Variants in POU2F2 observed in about 807,000 individuals in gnomAD.
POU2F2 encodes POU domain, class 2, transcription factor 2.
In POU2F2, 14 loss-of-function variants were observed where a neutral mutation model predicts 63.5. The ratio of observed to expected loss-of-function variants is 0.22; its 90% CI spans 0.15 to 0.34. The LOEUF is 0.34. Ranked by LOEUF, POU2F2 falls within the 10% of genes least tolerant of loss-of-function variation. The pLI is 1.00. For synonymous variants in POU2F2, 306 were observed against 348.6 expected, an observed-to-expected ratio of 0.88 and a Z score of 1.36; for missense variants, 607 against 815.2, an observed-to-expected ratio of 0.74 and a Z score of 3.11.
In POU2F2 at chr19:42,091,094, C is replaced by CTTTTTTTTTTT. The variant is rs60030513; in HGVS notation, c.*152_*162dup. 4.8e-4 allele frequency: 175 copies of CTTTTTTTTTTT among 360,924 alleles called. 3 individuals carry two copies. Among genetic ancestry groups the CTTTTTTTTTTT allele is most frequent in the African/African-American group, 4.6e-3 (167 of 35,942 alleles). 22.4% of individuals were successfully genotyped at this position (360,924 alleles called of 1,614,324 possible). A position where few individuals can be genotyped will look rare whatever the true frequency, so the allele number is the denominator to read the frequency against. ...TCTCTTTTGTTGGTTAGTTTCTTTC[C>CTTTTTTTTTTT]TTTTTTTTTTTTTTTTTGGTTGGTT... On this transcript the variant is annotated 3_prime_UTR_variant, in exon 15 of 15. Coordinates refer to ENST00000692977, the MANE Select transcript of POU2F2 (RefSeq NM_001394376.1).
chr19:42,105,080 G>C (rs2077285994), intron 5 of POU2F2, among the ~76,000 whole-genome samples: 1 of 152,148 alleles, frequency 6.6e-6, no homozygotes, highest in Non-Finnish European at 1.5e-5. Flanking sequence ...CCTCCCTCCA[G>C]ATGTGGATCA....
chr19:42,138,149 C>T (rs1044419786), intron 2 of POU2F2, among the ~76,000 whole-genome samples: 1 of 152,136 alleles, frequency 6.6e-6, no homozygotes, highest in African/African-American at 2.4e-5. Context: ...CAGTGAAGAA[C>T]CAGAGGATGG....
At position 42,117,574 on chromosome 19, in the gene POU2F2, T is replaced by A; in HGVS notation, c.187-142A>T. 1 of 483,832 alleles carries A rather than the reference T, an allele frequency of 2.1e-6. No homozygotes were observed. The highest frequency in any genetic ancestry group is 3.6e-6 in the Non-Finnish European group (1 of 277,670). The allele number at this position is 483,832 out of a possible 1,614,324, so 30.0% of individuals were successfully genotyped here. A position where few individuals can be genotyped will look rare whatever the true frequency, so the allele number is the denominator to read the frequency against. On this transcript the variant is annotated intron_variant, in intron 4 of 14. Transcript: ENST00000692977. The surrounding 1 kb of genome is among the most constrained non-coding windows in gnomAD (Gnocchi z 4.4). Reference sequence around the variant, plus strand: ...CTTCAAACCACTCCTCTGGCCTCAGTTTCCTCATCAATCAGATAGGGCTAA... The same window carrying A: ...CTTCAAACCACTCCTCTGGCCTCAGATTCCTCATCAATCAGATAGGGCTAA...
chr19:42,095,323 G>C lies in POU2F2; in HGVS notation c.1160C>G (p.Pro387Arg). 2 of 1,613,848 alleles carry C rather than the reference G, an allele frequency of 1.2e-6. No homozygotes were observed. Among genetic ancestry groups the C allele is most frequent in the Non-Finnish European group, 1.7e-6 (2 of 1,179,994 alleles). ...INPCSAAPML[P>R]SPGKPASYSP... ...GTAGCTGGCCGGCTTCCCTGGGCTG[G>C]GCAGCATGGGGGCCGCACTGCAGGG... Residue 387 changes from proline to arginine, a missense_variant, in exon 11 of 15, where the codon CCC (proline) becomes CGC (arginine). This residue lies in a region of POU2F2 where 12 missense variants were observed against 18.4 expected (regional missense o/e 0.65). Transcript: ENST00000692977. This position sits in a 1 kb window ranked among gnomAD's most constrained non-coding sequence, Gnocchi z 7.1.
chr19:42,149,146 C>T (rs1255743957), intron 2 of POU2F2, among the ~76,000 whole-genome samples: 3 of 152,130 alleles, frequency 2.0e-5, no homozygotes, highest in African/African-American at 7.2e-5. Context: ...CGTAAACACC[C>T]TTGGAGTAGC....
chr19:42,184,755 TCTCTTGGTTCTCCAG>T (rs1249709357), intron 1 of POU2F2, among the ~76,000 whole-genome samples: 1 of 152,124 alleles, frequency 6.6e-6, no homozygotes, highest in Non-Finnish European at 1.5e-5. Context: ...GAAACCTCAC[TCTCTTGGTTCTCCAG>T]CTCTGTCTGG....
chr19:42,158,385 A>C (rs1163709961), intron 2 of POU2F2, among the ~76,000 whole-genome samples: 1 of 152,232 alleles, frequency 6.6e-6, no homozygotes, highest in African/African-American at 2.4e-5. Flanking sequence ...GATACCAAAA[A>C]CAATGGTGGG....
At chr19:42,191,222 T>A (rs2035072163) in intron 1 of POU2F2, among the ~76,000 whole-genome samples, 1 of 152,132 alleles carries the variant, frequency 6.6e-6, no homozygotes, top group African/African-American at 2.4e-5. Context: ...GCTCTCTGAC[T>A]TCAAATTAGG....
chr19:42,140,790 G>T (rs2034111701), intron 2 of POU2F2, among the ~76,000 whole-genome samples: 2 of 152,168 alleles, frequency 1.3e-5, no homozygotes, highest in Admixed American at 1.3e-4. Context: ...CTTTAACAGT[G>T]CCTGGCATAT....
chr19:42,167,368 C>T (rs531808010), intron 1 of POU2F2, among the ~76,000 whole-genome samples: 1 of 152,034 alleles, frequency 6.6e-6, no homozygotes, highest in East Asian at 1.9e-4. Flanking sequence ...GCACAAGAAT[C>T]GCTTGAACCT....
chr19:42,130,018 C>T (rs766414632), intron 1 of POU2F2, among the ~76,000 whole-genome samples: 2 of 152,148 alleles, frequency 1.3e-5, no homozygotes, highest in Non-Finnish European at 2.9e-5. Flanking sequence ...CATGATGCCA[C>T]GGGCATATAT....
chr19:42,121,774 C>A (rs541159366), intron 4 of POU2F2, among the ~76,000 whole-genome samples: 2 of 152,336 alleles, frequency 1.3e-5, no homozygotes, highest in Middle Eastern at 3.4e-3. Context: ...CCAGCCCCCC[C>A]ACCCCCACCT....
In POU2F2 at chr19:42,153,818, G is replaced by C. The variant is rs534975268; in HGVS notation, c.-9+6514C>G. Among the ~76,000 whole-genome samples the C allele has an allele frequency of 2.0e-5, 3 of 152,138 alleles. No homozygotes were observed. Among genetic ancestry groups the C allele is most frequent in the East Asian group, 1.9e-4 (1 of 5,196 alleles). On this transcript the variant is annotated intron_variant, in intron 2 of 6. Coordinates refer to the POU2F2 transcript ENST00000524801. The surrounding 1 kb of genome is among the most constrained non-coding windows in gnomAD (Gnocchi z 5.6). The stretch of plus-strand genomic sequence containing the variant: ...AGGCTACAACCCTGAGTCTCTGAGT[G>C]GGGGAGGGTGGCGAGGCAGCAGGGG...
At chr19:42,161,730 T>C (rs1486890494) in intron 1 of POU2F2, among the ~76,000 whole-genome samples, 1 of 152,104 alleles carries the variant, frequency 6.6e-6, no homozygotes, top group African/African-American at 2.4e-5. Flanking sequence ...CCATCTGTCC[T>C]GTCTCTCCCT....
rs149830743 is a variant in POU2F2 at position 42,149,831 on chromosome 19, A to G, written c.-9+10501T>C. ...CAGCAGGGTGTGTGGTGTCGTCCCC[A>G]TCCCTGAAGGGGCTGCTCCGGGCAG... On this transcript the variant is annotated intron_variant, in intron 2 of 6. Transcript: ENST00000524801. Among the ~76,000 whole-genome samples the G allele has an allele frequency of 2.0e-5, 3 of 152,220 alleles. No individual in the cohort carries two copies. The East Asian group carries it at 5.8e-4, about 29-fold the overall frequency.
At chr19:42,144,793 C>A in intron 2 of POU2F2, among the ~76,000 whole-genome samples, 1 of 152,228 alleles carries the variant, frequency 6.6e-6, no homozygotes, top group East Asian at 1.9e-4. Flanking sequence ...TCAGAGAGGG[C>A]AAGGACTTGC....
intron 1 of POU2F2, among the ~76,000 whole-genome samples, chr19:42,168,635 C>A (rs1053223127): frequency 6.6e-6 from 1 of 152,192 alleles, no homozygotes; most frequent in Admixed American, 6.5e-5. Context: ...AGAATCTGGG[C>A]CCCAGGTGAA....
intron 1 of POU2F2, among the ~76,000 whole-genome samples, chr19:42,190,608 C>A (rs1306704060): frequency 6.6e-6 from 1 of 152,066 alleles, no homozygotes; most frequent in African/African-American, 2.4e-5. Context: ...AATCCCAGCA[C>A]TCTGTGAGGC....
intron 2 of POU2F2, 22 bp from the exon 3 acceptor site, chr19:42,122,400 G>A: frequency 6.2e-7 from 1 of 1,609,008 alleles, no homozygotes; most frequent in South Asian, 1.1e-5. Context: ...GGGAAAGGAT[G>A]TGTTGTCATC....
Sources: gnomAD v4.1 joint callset for allele counts (sites outside exome capture counted in the v4.1 genomes callset) on GRCh38, gnomAD v4.1.1 for gene constraint, gnomAD v4.1.1 regional missense constraint, Gnocchi (gnomAD v3.1) non-coding constraint, MANE v1.5 for transcripts, NCBI Gene and HGNC (gene_info 2026-07-23, HGNC 2026-07-21) for gene names.